Variants in ANO3 observed in about 807,000 individuals in gnomAD.
ANO3 encodes the protein anoctamin 3, also known as anoctamin-3.
ANO3 carries 99 observed loss-of-function variants against 144.8 expected under a neutral mutation model. The ratio of observed to expected loss-of-function variants is 0.68; its 90% CI spans 0.58 to 0.81. The LOEUF is 0.81. Among genes scored for constraint, ANO3 ranks in the 30% least tolerant of loss-of-function variants. ANO3 has a pLI of 0.00. For missense variants in ANO3, 905 were observed against 1,202.2 expected (o/e 0.75, Z 3.66); for synonymous variants, 414 against 392.6 (o/e 1.05, Z -0.64).
At chr11:26,520,386 A>G (rs1433040190) in intron 6 of ANO3, among the ~76,000 whole-genome samples, 1 of 152,158 alleles carries the variant, frequency 6.6e-6, no homozygotes, top group East Asian at 1.9e-4. Context: ...AGGGGGGGAA[A>G]ACATGGAACA....
At chr11:26,321,268 C>T (rs921505635) in intron 1 of ANO3, among the ~76,000 whole-genome samples, 1 of 151,946 alleles carries the variant, frequency 6.6e-6, no homozygotes, top group Non-Finnish European at 1.5e-5. Context: ...TCCCTCATCC[C>T]CTTGATAGAC....
chr11:26,252,077 C>T (rs779089284), intron 1 of ANO3, among the ~76,000 whole-genome samples: 3 of 152,080 alleles, frequency 2.0e-5, no homozygotes, highest in Non-Finnish European at 4.4e-5. Flanking sequence ...AATTTAAATA[C>T]ATAACCAGTG....
chr11:26,642,080 C>G, intron 22 of ANO3, 51 bp downstream of exon 22: 1 of 1,580,396 alleles, frequency 6.3e-7, no homozygotes, highest in South Asian at 1.2e-5. Flanking sequence ...TACAATTTTT[C>G]TACTTCACAG....
intron 1 of ANO3, among the ~76,000 whole-genome samples, chr11:26,202,051 G>A (rs1851704317): frequency 6.7e-6 from 1 of 149,992 alleles, no homozygotes. Flanking sequence ...GCTTGCATTG[G>A]AAAAAAAAGT....
rs555365771 is a variant in ANO3, at chr11:26,516,442, T to C, written c.592-385T>C. ...AAAAATTAGTGAACTAGTTAATAAATGACTAGTGGTAACTGGCAGTGTTTT... is the reference window on the plus strand; with the variant it reads ...AAAAATTAGTGAACTAGTTAATAAACGACTAGTGGTAACTGGCAGTGTTTT... On this transcript the variant is annotated intron_variant, in intron 5 of 26. Transcript: ENST00000256737. 6.6e-5 allele frequency among the ~76,000 whole-genome samples: 10 copies of C among 152,002 alleles called. 1 individual carries two copies. The East Asian group carries it at 7.7e-4, about 12-fold the overall frequency.
At chr11:26,250,671 T>A (rs1023705722) in intron 1 of ANO3, among the ~76,000 whole-genome samples, 2 of 152,178 alleles carry the variant, frequency 1.3e-5, no homozygotes, top group African/African-American at 4.8e-5. Flanking sequence ...GCTAATTGTT[T>A]TCTTCTGTGG....
chr11:26,440,127 C>T (rs1858459996), intron 1 of ANO3, among the ~76,000 whole-genome samples: 1 of 152,122 alleles, frequency 6.6e-6, no homozygotes, highest in South Asian at 2.1e-4. Flanking sequence ...AGACAGCATA[C>T]ATAGCCAACA....
chr11:26,520,430 G>T (rs407632), intron 6 of ANO3, among the ~76,000 whole-genome samples: 103,795 of 152,052 alleles, frequency 0.68, 35,627 homozygotes, highest in East Asian at 0.83. Flanking sequence ...TTGGTGTTTT[G>T]CCTGAAGTTT....
intron 11 of ANO3, among the ~76,000 whole-genome samples, chr11:26,544,783 A>T (rs1282236765): frequency 6.6e-6 from 1 of 152,016 alleles, no homozygotes; most frequent in Non-Finnish European, 1.5e-5. Context: ...TTCTTCAGGT[A>T]ATTCCAGCAA....
intron 3 of ANO3, among the ~76,000 whole-genome samples, chr11:26,454,371 G>A (rs1365272421): frequency 6.6e-5 from 10 of 151,654 alleles, no homozygotes; most frequent in Non-Finnish European, 8.9e-5. Flanking sequence ...TCAAATAGAC[G>A]CAATAAAAAA....
chr11:26,558,442 T>A (rs1850154523), intron 13 of ANO3, among the ~76,000 whole-genome samples: 1 of 152,194 alleles, frequency 6.6e-6, no homozygotes. Context: ...ACAAAAATTC[T>A]TGACTCCCTG....
intron 17 of ANO3, among the ~76,000 whole-genome samples, chr11:26,622,843 C>A (rs908095313): frequency 4.6e-5 from 7 of 152,308 alleles, no homozygotes; most frequent in South Asian, 2.1e-4. Flanking sequence ...CTGTTTGGCA[C>A]AAGCCAAATG....
At chr11:26,563,396 T>A in intron 14 of ANO3, 1 of 42,814 alleles carries the variant, frequency 2.3e-5, no homozygotes, top group South Asian at 3.6e-4. Flanking sequence ...TTTCTCTCTC[T>A]GTGTGTGTGT....
At chr11:26,603,323 A>AT (rs1851848588) in intron 17 of ANO3, among the ~76,000 whole-genome samples, 1 of 152,036 alleles carries the variant, frequency 6.6e-6, no homozygotes, top group African/African-American at 2.4e-5. Context: ...TTTATCACCT[A>AT]TTTTGAATTT....
In ANO3 at chr11:26,516,947, T is replaced by C. The variant is rs762694973; in HGVS notation, c.692+20T>C. The C allele has an allele frequency of 8.9e-6, 13 of 1,456,388 alleles. 1 individual carries two copies. The South Asian group carries it at 1.2e-4, about 13-fold the overall frequency. The allele number at this position is 1,456,388 out of a possible 1,614,324, so 90.2% of individuals were successfully genotyped here. On this transcript the variant is annotated intron_variant, in intron 6 of 26. Transcript: ENST00000256737. Reference sequence around the variant, plus strand: ...CTTCAGGTACTTTCAAATTTTACTTTATTTTATCTCAATATATATTAAAAT... The same window carrying C: ...CTTCAGGTACTTTCAAATTTTACTTCATTTTATCTCAATATATATTAAAAT...
At chr11:26,244,126 A>AAAAAAGAAAAG (rs1564931440) in intron 1 of ANO3, among the ~76,000 whole-genome samples, 2 of 142,420 alleles carry the variant, frequency 1.4e-5, no homozygotes, top group African/African-American at 4.9e-5. Flanking sequence ...GAAAAAAAAA[A>AAAAAAGAAAAG]AAAAAGAAAA....
chr11:26,434,437 C>G (rs1007324568), intron 1 of ANO3, among the ~76,000 whole-genome samples: 1 of 152,088 alleles, frequency 6.6e-6, no homozygotes, highest in African/African-American at 2.4e-5. Flanking sequence ...CAGTTTACCT[C>G]TGGTTTTGGT....
At chr11:26,603,213 A>G (rs1851846229) in intron 17 of ANO3, among the ~76,000 whole-genome samples, 1 of 152,204 alleles carries the variant, frequency 6.6e-6, no homozygotes, top group Non-Finnish European at 1.5e-5. Context: ...TTACAGCTAT[A>G]TACATAATAG....
intron 17 of ANO3, among the ~76,000 whole-genome samples, chr11:26,620,097 C>A (rs1340502909): frequency 1.3e-5 from 2 of 152,114 alleles, no homozygotes; most frequent in Non-Finnish European, 2.9e-5. Context: ...CTAGGCCTAC[C>A]ATTTTTCTTC....
Sources: allele counts gnomAD v4.1 joint callset (sites outside exome capture counted in the v4.1 genomes callset), GRCh38; gene constraint gnomAD v4.1.1; transcripts MANE v1.5; gene names NCBI Gene and HGNC (gene_info 2026-07-23, HGNC 2026-07-21).